The following PTPRK variants were observed in gnomAD, a reference collection of about 807,000 sequenced individuals.
PTPRK encodes protein tyrosine phosphatase receptor type K.
A neutral mutation model predicts 178.0 loss-of-function variants in PTPRK; 75 were observed. The observed-to-expected ratio is 0.42, with a 90% CI of 0.35 to 0.51. PTPRK has a LOEUF of 0.51. PTPRK is among the 20% of genes least tolerant of loss of function. The pLI is 0.02. For synonymous variants in PTPRK, 637 were observed against 620.6 expected, an observed-to-expected ratio of 1.03 and a Z score of -0.39; for missense variants, 1,441 against 1,797.8, an observed-to-expected ratio of 0.80 and a Z score of 3.59.
At chr6:128,345,815 C>G (rs1025228660) in intron 2 of PTPRK, among the ~76,000 whole-genome samples, 2 of 152,082 alleles carry the variant, frequency 1.3e-5, no homozygotes, top group Non-Finnish European at 2.9e-5. Flanking sequence ...GAAACCTTAC[C>G]TGTTATACCA....
At position 128,078,794 on chromosome 6, in the gene PTPRK, T is replaced by C. The variant is rs1306022078; in HGVS notation, c.1883+19A>G. The C allele has an allele frequency of 2.6e-6, 4 of 1,551,580 alleles. No homozygotes were observed. The highest frequency in any genetic ancestry group is 3.6e-6 in the Non-Finnish European group (4 of 1,124,388). On this transcript the variant is annotated intron_variant, in intron 11 of 29. Coordinates refer to ENST00000368226, the MANE Select transcript of PTPRK (RefSeq NM_002844.4). ...ATACCTGTGGATAAGGCAGAACTACTGTAGTTTTCTCCTCTTACCTGATAG... is the reference window on the plus strand; with the variant it reads ...ATACCTGTGGATAAGGCAGAACTACCGTAGTTTTCTCCTCTTACCTGATAG...
intron 13 of PTPRK, among the ~76,000 whole-genome samples, chr6:128,042,418 A>G (rs1201362558): frequency 7.2e-5 from 11 of 151,964 alleles, no homozygotes; most frequent in Non-Finnish European, 1.2e-4. Flanking sequence ...TTCTTTTTCT[A>G]CAGACTCAAG....
chr6:128,369,048 C>CT (rs1440493164), intron 2 of PTPRK, among the ~76,000 whole-genome samples: 2 of 152,102 alleles, frequency 1.3e-5, no homozygotes. Context: ...AGAGCCTTGG[C>CT]TTTGCATGCA....
At chr6:128,316,611 A>G (rs2128318592) in intron 3 of PTPRK, among the ~76,000 whole-genome samples, 1 of 152,320 alleles carries the variant, frequency 6.6e-6, no homozygotes, top group East Asian at 1.9e-4. Context: ...TGAATCAACA[A>G]CAACTATTTA....
At chr6:128,390,439 C>T (rs1284760721) in intron 2 of PTPRK, among the ~76,000 whole-genome samples, 1 of 152,034 alleles carries the variant, frequency 6.6e-6, no homozygotes, top group Non-Finnish European at 1.5e-5. Flanking sequence ...TTCCATTTCC[C>T]ACAAAGGGTA....
At chr6:128,027,590 CTTG>C (rs1253228444) in intron 13 of PTPRK, among the ~76,000 whole-genome samples, 1 of 151,850 alleles carries the variant, frequency 6.6e-6, no homozygotes, top group Non-Finnish European at 1.5e-5. Flanking sequence ...ACTTATGAGG[CTTG>C]TTGTATGTTT....
intron 13 of PTPRK, among the ~76,000 whole-genome samples, chr6:128,042,325 C>T (rs1431020652): frequency 6.6e-6 from 1 of 152,014 alleles, no homozygotes; most frequent in African/African-American, 2.4e-5. Context: ...GTTAAAACAA[C>T]ACAAATTTAT....
chr6:128,115,903 G>C (rs1041476080), intron 7 of PTPRK, among the ~76,000 whole-genome samples: 1 of 151,998 alleles, frequency 6.6e-6, no homozygotes, highest in Non-Finnish European at 1.5e-5. Flanking sequence ...ACTTGAAAAT[G>C]TGTTTTTTAT....
At chr6:128,243,509 A>AAAAAGAAAAG (rs1554367484) in intron 3 of PTPRK, among the ~76,000 whole-genome samples, 170 of 137,668 alleles carry the variant, frequency 1.2e-3, no homozygotes, top group African/African-American at 4.7e-3. Context: ...AAAAAAAAAA[A>AAAAAGAAAAG]AAAAGAAAAG....
At chr6:128,143,959 C>G (rs891594744) in intron 7 of PTPRK, among the ~76,000 whole-genome samples, 3 of 152,126 alleles carry the variant, frequency 2.0e-5, no homozygotes, top group Non-Finnish European at 4.4e-5. Flanking sequence ...GGTGTGTGCT[C>G]CCCACAGTCA....
intron 14 of PTPRK, among the ~76,000 whole-genome samples, chr6:128,005,448 G>A (rs1267353324): frequency 6.6e-6 from 1 of 151,304 alleles, no homozygotes; most frequent in Non-Finnish European, 1.5e-5. Flanking sequence ...TTTGTCAGAT[G>A]CATATTTCAA....
chr6:128,055,173 G>A (rs934384867), intron 13 of PTPRK, among the ~76,000 whole-genome samples: 1 of 152,012 alleles, frequency 6.6e-6, no homozygotes, highest in African/African-American at 2.4e-5. Flanking sequence ...TTAGAAAACT[G>A]AAAAGTTACA....
intron 13 of PTPRK, among the ~76,000 whole-genome samples, chr6:128,016,356 C>G (rs1441371424): frequency 6.6e-6 from 1 of 151,822 alleles, no homozygotes; most frequent in Non-Finnish European, 1.5e-5. Flanking sequence ...GAAAACTTAG[C>G]AAGGCCTGTT....
At chr6:128,491,588 C>A in intron 1 of PTPRK, 1 of 330,290 alleles carries the variant, frequency 3.0e-6, no homozygotes, top group Non-Finnish European at 6.1e-6. Context: ...TTATTTTTAC[C>A]TGCAGTCAAT....
chr6:128,509,575 G>A (rs1349039240), intron 1 of PTPRK, among the ~76,000 whole-genome samples: 7 of 151,734 alleles, frequency 4.6e-5, no homozygotes, highest in Admixed American at 3.9e-4. Flanking sequence ...CATTTTTATG[G>A]TAGTTTACAA....
chr6:128,437,867 G>A (rs1375687927), intron 1 of PTPRK, among the ~76,000 whole-genome samples: 1 of 152,200 alleles, frequency 6.6e-6, no homozygotes, highest in African/African-American at 2.4e-5. Context: ...AAGCTGTCGC[G>A]ATTCCCAGAA....
chr6:127,977,497 A>G (rs1422863956), intron 25 of PTPRK, among the ~76,000 whole-genome samples: 1 of 152,202 alleles, frequency 6.6e-6, no homozygotes, highest in Non-Finnish European at 1.5e-5. Flanking sequence ...GGGTATGTGT[A>G]TAGTGTGTGT....
intron 3 of PTPRK, among the ~76,000 whole-genome samples, chr6:128,290,134 A>G (rs571428874): frequency 1.3e-5 from 2 of 152,288 alleles, no homozygotes; most frequent in South Asian, 4.1e-4. Context: ...TTCTTTGGTT[A>G]GAAAGGCACA....
intron 6 of PTPRK, among the ~76,000 whole-genome samples, chr6:128,185,613 A>C (rs374828541): frequency 6.6e-6 from 1 of 152,164 alleles, no homozygotes; most frequent in East Asian, 1.9e-4. Context: ...TTTTCTCAGG[A>C]AAGTCAAAAG....
Sources: allele counts gnomAD v4.1 joint callset (sites outside exome capture counted in the v4.1 genomes callset), GRCh38; gene constraint gnomAD v4.1.1; transcripts MANE v1.5; gene names NCBI Gene and HGNC (gene_info 2026-07-23, HGNC 2026-07-21).